Variants in DOCK2 observed in about 807,000 individuals in gnomAD.
DOCK2 encodes dedicator of cytokinesis protein 2.
In DOCK2, 87 loss-of-function variants were observed where a neutral mutation model predicts 248.9. The ratio of observed to expected loss-of-function variants is 0.35; its 90% confidence interval spans 0.29 to 0.42. The LOEUF (loss-of-function observed/expected upper bound fraction) is 0.42, where lower values mean the gene tolerates loss of function less well. DOCK2 is among the 10% of genes least tolerant of loss of function. The probability of loss-of-function intolerance (pLI) is 1.00; values close to 1 mark genes in which losing one functional copy is unlikely to be tolerated. For synonymous variants in DOCK2, 805 were observed against 821.6 expected (o/e 0.98, Z 0.35); for missense variants, 1,747 against 2,300.2 (o/e 0.76, Z 4.92).
At chr5:169,702,553 A>G (rs771550778) in intron 14 of DOCK2, 126 bp downstream of exon 14, 22 of 1,427,642 alleles carry the variant, frequency 1.5e-5, no homozygotes, top group Non-Finnish European at 2.1e-5. Flanking sequence ...GGTGTTGAAT[A>G]ATGTGTTCAA....
At chr5:169,805,846 C>T (rs1767324903) in intron 26 of DOCK2, among the ~76,000 whole-genome samples, 1 of 152,172 alleles carries the variant, frequency 6.6e-6, no homozygotes, top group Non-Finnish European at 1.5e-5. Flanking sequence ...GTGGGAGGTG[C>T]GTGTCACTCT....
Position 169,654,386 on chromosome 5 carries a change from T to G in DOCK2, c.44-17T>G. 1 of 1,614,016 alleles carries G rather than the reference T, an allele frequency of 6.2e-7. No individual in the cohort carries two copies. Among genetic ancestry groups the G allele is most frequent in the African/African-American group, 1.3e-5 (1 of 75,054 alleles). ...ATCTAGAGGTCTCACCTAGCTGTCT[T>G]TCTTTCTGTTTCACAGCCATATACA... On this transcript the variant is annotated splice_polypyrimidine_tract_variant and intron_variant, in intron 1 of 51. Coordinates refer to ENST00000520908, the MANE Select transcript of DOCK2 (RefSeq NM_004946.3).
intron 27 of DOCK2, among the ~76,000 whole-genome samples, chr5:169,957,211 G>T (rs77282476): frequency 0.073 from 11,073 of 152,240 alleles, 687 homozygotes; most frequent in East Asian, 0.33. Context: ...ATGAATGAAT[G>T]AATTAATTAA....
intron 44 of DOCK2, among the ~76,000 whole-genome samples, chr5:170,059,797 T>C (rs2113860943): frequency 6.6e-6 from 1 of 152,336 alleles, no homozygotes; most frequent in African/African-American, 2.4e-5. Context: ...GTTACCTTAT[T>C]TTATAAACTC....
chr5:170,070,457 G>T (rs181500350), intron 46 of DOCK2, among the ~76,000 whole-genome samples: 1 of 152,178 alleles, frequency 6.6e-6, no homozygotes, highest in African/African-American at 2.4e-5. Flanking sequence ...CGCTTTTCCC[G>T]AATGCATGTT....
chr5:169,958,228 C>CAAAAAAAAA (rs34936678), intron 27 of DOCK2, among the ~76,000 whole-genome samples: 1 of 150,288 alleles, frequency 6.7e-6, no homozygotes, highest in Non-Finnish European at 1.5e-5. Flanking sequence ...CTTTGTTTTG[C>CAAAAAAAAA]AAAAAAAAAA....
chr5:169,793,427 A>C (rs1362413438), intron 25 of DOCK2, among the ~76,000 whole-genome samples: 1 of 152,182 alleles, frequency 6.6e-6, no homozygotes, highest in Admixed American at 6.5e-5. Flanking sequence ...ATATTTCCTG[A>C]GTTTAATGCA....
At chr5:169,825,938 A>C (rs1341918610) in intron 26 of DOCK2, among the ~76,000 whole-genome samples, 1 of 152,074 alleles carries the variant, frequency 6.6e-6, no homozygotes, top group African/African-American at 2.4e-5. Flanking sequence ...GATGGTACAT[A>C]CAGGGGGAAT....
intron 27 of DOCK2, among the ~76,000 whole-genome samples, chr5:169,889,126 A>G (rs1773142739): frequency 6.6e-6 from 1 of 152,232 alleles, no homozygotes; most frequent in Admixed American, 6.5e-5. Context: ...TTGTAAAACA[A>G]ATGAATATAA....
In DOCK2 at chr5:169,695,979, C is replaced by T. The variant is rs763792282; in HGVS notation, c.979+41C>T. ...TGCATCATTGATTTTTATGGGAGCGCACATTTTATGTGGCTGAATTGTAAT... is the reference window on the plus strand; with the variant it reads ...TGCATCATTGATTTTTATGGGAGCGTACATTTTATGTGGCTGAATTGTAAT... On this transcript the variant is annotated intron_variant, in intron 10 of 51. Coordinates refer to ENST00000520908, the MANE Select transcript of DOCK2 (RefSeq NM_004946.3). 5.8e-6 allele frequency: 9 copies of T among 1,545,104 alleles called. No individual in the cohort carries two copies. The East Asian group carries it at 2.1e-4, about 37-fold the overall frequency.
chr5:169,836,929 G>A (rs1456079214), intron 26 of DOCK2, among the ~76,000 whole-genome samples: 1 of 152,144 alleles, frequency 6.6e-6, no homozygotes, highest in African/African-American at 2.4e-5. Context: ...TATTTGGTGT[G>A]CTTTCTTATT....
chr5:169,902,973 C>G (rs1246285089), intron 27 of DOCK2, among the ~76,000 whole-genome samples: 1 of 152,094 alleles, frequency 6.6e-6, no homozygotes, highest in Admixed American at 6.5e-5. Flanking sequence ...TGGCACATGC[C>G]TGTAGTCCCA....
intron 23 of DOCK2, among the ~76,000 whole-genome samples, chr5:169,754,095 A>G (rs186006113): frequency 1.2e-4 from 19 of 152,218 alleles, no homozygotes; most frequent in Middle Eastern, 3.4e-3. Flanking sequence ...AACACTGGTC[A>G]CTCTGTTTGA....
intron 27 of DOCK2, among the ~76,000 whole-genome samples, chr5:169,933,468 C>T (rs1344162483): frequency 6.6e-6 from 1 of 152,206 alleles, no homozygotes. Flanking sequence ...CAGTCATTAT[C>T]CTGAGCATCA....
intron 27 of DOCK2, among the ~76,000 whole-genome samples, chr5:169,862,311 T>C (rs1295347100): frequency 6.6e-6 from 1 of 152,268 alleles, no homozygotes; most frequent in Non-Finnish European, 1.5e-5. Context: ...GGAACAGGGT[T>C]ATTTACATTC....
rs144649763 is a variant in DOCK2 at position 170,041,130 on chromosome 5, C to T, written c.3741C>T (p.His1247=). 233 of 1,613,984 alleles carry T rather than the reference C, an allele frequency of 1.4e-4. No homozygotes were observed. Among genetic ancestry groups the T allele is most frequent in the Non-Finnish European group, 1.9e-4 (219 of 1,179,962 alleles). The change falls in exon 37 of 52, where the codon CAC becomes CAT. Residue 1247 remains histidine, a synonymous_variant. Coordinates refer to ENST00000520908, the MANE Select transcript of DOCK2 (RefSeq NM_004946.3). ...YTEAAYTLLL[H]TWLLKWSDEQ... ...AGGCTGCCTACACGCTCCTTCTCCACACCTGGCTTCTCAAGGTACAGTCAC... is the reference window on the plus strand; with the variant it reads ...AGGCTGCCTACACGCTCCTTCTCCATACCTGGCTTCTCAAGGTACAGTCAC...
At chr5:170,080,049 G>A (rs1757972381) in intron 49 of DOCK2, 114 bp from the exon 50 acceptor site, 2 of 1,536,738 alleles carry the variant, frequency 1.3e-6, no homozygotes, top group Non-Finnish European at 8.8e-7. Context: ...CTTGGAGCCA[G>A]CTTCATAGAA....
rs185301668 is a variant in DOCK2, at chr5:169,956,420, T to C, written c.2800-26648T>C. ...ATTCTTCCCTCCAGTCCCTCTCTCGTGGGTTGTATTAGAAAGATTACTGCA... is the reference window on the plus strand; with the variant it reads ...ATTCTTCCCTCCAGTCCCTCTCTCGCGGGTTGTATTAGAAAGATTACTGCA... On this transcript the variant is annotated intron_variant, in intron 27 of 51. Coordinates refer to ENST00000520908, the MANE Select transcript of DOCK2 (RefSeq NM_004946.3). 4.4e-3 allele frequency among the ~76,000 whole-genome samples: 668 copies of C among 152,234 alleles called. 4 individuals carry two copies. The highest frequency in any genetic ancestry group is 0.011 in the South Asian group (55 of 4,824).
At chr5:169,976,585 A>G (rs1469722235) in intron 27 of DOCK2, among the ~76,000 whole-genome samples, 2 of 152,222 alleles carry the variant, frequency 1.3e-5, no homozygotes, top group Non-Finnish European at 2.9e-5. Flanking sequence ...TGATCTCAAA[A>G]AGAAAAAAAA....
Sources: allele counts gnomAD v4.1 joint callset (sites outside exome capture counted in the v4.1 genomes callset), GRCh38; gene constraint gnomAD v4.1.1; transcripts MANE v1.5; gene names NCBI Gene and HGNC (gene_info 2026-07-23, HGNC 2026-07-21).